DNAH6: variants seen among roughly 807,000 people sequenced by gnomAD.
The protein encoded by DNAH6 is axonemal beta dynein heavy chain 6.
In DNAH6, 340 loss-of-function variants were observed where a neutral mutation model predicts 491.4. The observed-to-expected ratio is 0.69, with a 90% CI of 0.63 to 0.76. The LOEUF (loss-of-function observed/expected upper bound fraction) is 0.76, where lower values mean the gene tolerates loss of function less well. Among genes scored for constraint, DNAH6 ranks in the 30% least tolerant of loss-of-function variants. The pLI is 0.00. For missense variants in DNAH6, 4,443 were observed against 4,972.2 expected (o/e 0.89, Z 3.20); for synonymous variants, 1,603 against 1,686.1 (o/e 0.95, Z 1.21).
At chr2:84,674,255 A>C (rs1330285693) in intron 40 of DNAH6, among the ~76,000 whole-genome samples, 1 of 152,204 alleles carries the variant, frequency 6.6e-6, no homozygotes, top group Non-Finnish European at 1.5e-5. Context: ...CCAAGGTCAC[A>C]CTACTGGCAA....
Position 84,584,200 on chromosome 2 carries a change from G to A in DNAH6, c.2431G>A (p.Asp811Asn), listed in dbSNP as rs772940793. ...GCAATTTTGTGTGCATTTGGGTAGT[G>A]ATCTTGAAGAATTAAACAACGAAGT... The part of the protein sequence containing the change: ...IKQFCVHLGS[D>N]LEELNNEVNE... Residue 811 changes from aspartate (D) to asparagine (N), a missense_variant, in exon 15 of 77, where the codon GAT (aspartate) becomes AAT (asparagine). By Grantham distance (23) the Asp-to-Asn change is conservative. Coordinates refer to ENST00000389394, the MANE Select transcript of DNAH6 (RefSeq NM_001370.2). The A allele has an allele frequency of 1.2e-6, 2 of 1,614,164 alleles. No individual in the cohort carries two copies. Among genetic ancestry groups the A allele is most frequent in the Admixed American group, 3.3e-5 (2 of 60,026 alleles).
chr2:84,605,198 A>C (rs1685634783), intron 19 of DNAH6, among the ~76,000 whole-genome samples: 1 of 151,680 alleles, frequency 6.6e-6, no homozygotes, highest in African/African-American at 2.4e-5. Context: ...ATACAAAAAA[A>C]AAAAATTAGC....
intron 16 of DNAH6, among the ~76,000 whole-genome samples, chr2:84,589,885 C>T (rs533639014): frequency 6.6e-6 from 1 of 151,520 alleles, no homozygotes; most frequent in Non-Finnish European, 1.5e-5. Context: ...CCAGGGAGCC[C>T]CTAGCAATAA....
intron 63 of DNAH6, among the ~76,000 whole-genome samples, chr2:84,756,834 T>G (rs187223373): frequency 9.2e-5 from 14 of 152,284 alleles, no homozygotes; most frequent in Admixed American, 8.5e-4. Context: ...AACTGAAAAA[T>G]GCTCTGAGGG....
intron 31 of DNAH6, among the ~76,000 whole-genome samples, chr2:84,639,417 A>ATTTTTT (rs374331918): frequency 6.8e-5 from 9 of 133,228 alleles, no homozygotes; most frequent in African/African-American, 2.5e-4. Context: ...GTTGTCAGTA[A>ATTTTTT]TTTTTTTTTT....
chr2:84,629,087 G>A (rs1279743041), intron 29 of DNAH6, among the ~76,000 whole-genome samples: 2 of 152,018 alleles, frequency 1.3e-5, no homozygotes, highest in East Asian at 1.9e-4. Flanking sequence ...GATTCATCCA[G>A]GCTAATACTA....
chr2:84,645,360 A>G (rs2104524077), intron 33 of DNAH6, among the ~76,000 whole-genome samples: 1 of 152,350 alleles, frequency 6.6e-6, no homozygotes, highest in South Asian at 2.1e-4. Flanking sequence ...TGGAGGTTGC[A>G]GTAAGCCGAG....
intron 40 of DNAH6, among the ~76,000 whole-genome samples, 169 bp from the exon 41 acceptor site, chr2:84,676,836 A>G (rs1693273027): frequency 6.6e-6 from 1 of 152,220 alleles, no homozygotes; most frequent in African/African-American, 2.4e-5. Context: ...AATCTATAAA[A>G]TAGGTGTAAT....
chr2:84,708,959 A>C (rs1696787795), intron 54 of DNAH6, among the ~76,000 whole-genome samples: 1 of 152,168 alleles, frequency 6.6e-6, no homozygotes, highest in Admixed American at 6.5e-5. Context: ...CCTATCCCTC[A>C]TCTACTGATT....
intron 4 of DNAH6, among the ~76,000 whole-genome samples, chr2:84,541,714 G>A (rs1678265989): frequency 1.3e-5 from 2 of 152,166 alleles, no homozygotes; most frequent in African/African-American, 4.8e-5. Context: ...CAATCAGGGG[G>A]AAAAAACATG....
At chr2:84,747,910 A>G (rs899645763) in intron 63 of DNAH6, among the ~76,000 whole-genome samples, 1 of 152,200 alleles carries the variant, frequency 6.6e-6, no homozygotes, top group African/African-American at 2.4e-5. Flanking sequence ...TGCCCTCCAG[A>G]ATAGCAGCCC....
intron 75 of DNAH6, 71 bp from the exon 76 acceptor site, chr2:84,815,790 C>T (rs1410302546): frequency 9.5e-7 from 1 of 1,052,550 alleles, no homozygotes; most frequent in East Asian, 2.6e-5. Context: ...GGATGTGGGA[C>T]ATAGGAAGTG....
At chr2:84,777,289 A>C (rs1310782390) in intron 64 of DNAH6, 1 of 252,074 alleles carries the variant, frequency 4.0e-6, no homozygotes, top group Non-Finnish European at 8.3e-6. Flanking sequence ...GGATTCCCCA[A>C]AGTGTAAATG....
intron 21 of DNAH6, among the ~76,000 whole-genome samples, chr2:84,611,118 G>C (rs1686283746): frequency 6.6e-6 from 1 of 152,122 alleles, no homozygotes; most frequent in Non-Finnish European, 1.5e-5. Context: ...TTCTGACCGT[G>C]TATTTCTGAT....
intron 40 of DNAH6, among the ~76,000 whole-genome samples, chr2:84,672,908 C>T (rs187033383): frequency 3.3e-5 from 5 of 152,278 alleles, no homozygotes; most frequent in Non-Finnish European, 1.5e-5. Context: ...AACATGTGGC[C>T]TCAGTTTTTC....
chr2:84,593,094 T>C (rs1231588835), intron 16 of DNAH6, among the ~76,000 whole-genome samples: 1 of 152,158 alleles, frequency 6.6e-6, no homozygotes, highest in East Asian at 1.9e-4. Flanking sequence ...ATGTAATGTG[T>C]TTTTTACCAC....
chr2:84,550,181 G>GC (rs1679191192), intron 9 of DNAH6, 124 bp downstream of exon 9: 1 of 785,508 alleles, frequency 1.3e-6, no homozygotes. Flanking sequence ...TAGAGCAGCG[G>GC]CCCCCAACAT....
At chr2:84,582,100 A>T (rs989002463) in intron 14 of DNAH6, among the ~76,000 whole-genome samples, 1 of 152,240 alleles carries the variant, frequency 6.6e-6, no homozygotes, top group Admixed American at 6.5e-5. Flanking sequence ...ACTTAATTCT[A>T]TACATAACTT....
chr2:84,481,023 C>A, the DNAH6 span, among the ~76,000 whole-genome samples: 1 of 151,920 alleles, frequency 6.6e-6, no homozygotes, highest in East Asian at 1.9e-4. Context: ...TGCATCCTCA[C>A]AGTTCCATCC....
Sources: gnomAD v4.1 joint callset for allele counts (sites outside exome capture counted in the v4.1 genomes callset) on GRCh38, gnomAD v4.1.1 for gene constraint, MANE v1.5 for transcripts, NCBI Gene and HGNC (gene_info 2026-07-23, HGNC 2026-07-21) for gene names.